GADL1: variants seen among roughly 807,000 people sequenced by gnomAD.
GADL1 encodes the protein GAD like acidic amino acid decarboxylase 1.
In GADL1, 71 loss-of-function variants were observed where a neutral mutation model predicts 69.5. That is an observed-to-expected ratio of 1.02 (90% CI 0.84 to 1.25). GADL1 has a LOEUF of 1.25. Among genes scored for constraint, GADL1 ranks in the 50% most tolerant of loss-of-function variants. GADL1 has a pLI of 0.00. For missense variants in GADL1, 737 were observed against 631.8 expected (o/e 1.17, Z -1.79); for synonymous variants, 254 against 214.4 (o/e 1.18, Z -1.62).
intron 13 of GADL1, among the ~76,000 whole-genome samples, chr3:30,780,048 GGTGGCATCAC>G (rs1397631449): frequency 1.1e-4 from 17 of 152,244 alleles, no homozygotes; most frequent in African/African-American, 3.6e-4. Context: ...ACCCCTTTCA[GGTGGCATCAC>G]GTGGCATCAC....
chr3:30,867,439 T>TATATATATATATATATATATATACACAC (rs1319135425), intron 1 of GADL1, among the ~76,000 whole-genome samples: 2 of 138,838 alleles, frequency 1.4e-5, no homozygotes, highest in Admixed American at 7.1e-5. Context: ...TATATATATA[T>TATATATATATATATATATATATACACAC]ACACATATAT....
intron 4 of GADL1, among the ~76,000 whole-genome samples, chr3:30,852,024 G>T (rs1467738461): frequency 6.6e-6 from 1 of 152,068 alleles, no homozygotes; most frequent in Non-Finnish European, 1.5e-5. Context: ...AATTGTATCT[G>T]AATAAATGTG....
At chr3:30,739,503 C>T (rs1346498061) in intron 14 of GADL1, among the ~76,000 whole-genome samples, 1 of 152,166 alleles carries the variant, frequency 6.6e-6, no homozygotes, top group African/African-American at 2.4e-5. Flanking sequence ...TGTTTGAATA[C>T]AGTTGTTCAT....
intron 14 of GADL1, among the ~76,000 whole-genome samples, chr3:30,764,396 CATAAG>C (rs1696218738): frequency 6.6e-6 from 1 of 152,124 alleles, no homozygotes; most frequent in African/African-American, 2.4e-5. Flanking sequence ...TTATGTAACT[CATAAG>C]AAAAGCGAAA....
intron 14 of GADL1, among the ~76,000 whole-genome samples, chr3:30,752,031 C>T (rs6550017): frequency 0.18 from 27,499 of 152,086 alleles, 3,635 homozygotes; most frequent in African/African-American, 0.35. Flanking sequence ...ACCCAGTAGG[C>T]AGAATGCTTC....
chr3:30,791,115 C>T (rs944668087), intron 12 of GADL1, among the ~76,000 whole-genome samples: 2 of 151,970 alleles, frequency 1.3e-5, no homozygotes, highest in Non-Finnish European at 2.9e-5. Context: ...GTTTTCCATT[C>T]CCTTTTTATA....
chr3:30,849,397 T>C (rs536664980), intron 6 of GADL1, among the ~76,000 whole-genome samples: 1 of 152,286 alleles, frequency 6.6e-6, no homozygotes, highest in East Asian at 1.9e-4. Context: ...ATTAACTCAC[T>C]CAAGGTTACT....
chr3:30,862,641 A>G (rs1698338371), intron 1 of GADL1, among the ~76,000 whole-genome samples: 1 of 152,030 alleles, frequency 6.6e-6, no homozygotes, highest in African/African-American at 2.4e-5. Context: ...ATTGAATTTT[A>G]TGAAGATCCA....
At chr3:30,863,636 T>G (rs1481734909) in intron 1 of GADL1, among the ~76,000 whole-genome samples, 1 of 151,974 alleles carries the variant, frequency 6.6e-6, no homozygotes, top group African/African-American at 2.4e-5. Context: ...AAACAATTTT[T>G]AAAGTACTTT....
rs139200010 is a variant in GADL1 at position 30,882,794 on chromosome 3, C to T, written c.37+11784G>A. On this transcript the variant is annotated intron_variant, in intron 1 of 14. Transcript: ENST00000282538. ...CAATGTCTCTAACAGTGTACAAGTGCTCCAGTTTGCCCACATACTCTCCAG... is the reference window on the plus strand; with the variant it reads ...CAATGTCTCTAACAGTGTACAAGTGTTCCAGTTTGCCCACATACTCTCCAG... Among the ~76,000 whole-genome samples, 12 of 151,780 alleles carry T rather than the reference C, an allele frequency of 7.9e-5. No homozygotes were observed. The East Asian group carries it at 2.1e-3, about 27-fold the overall frequency.
intron 3 of GADL1, among the ~76,000 whole-genome samples, chr3:30,855,271 T>C (rs1334204927): frequency 6.6e-6 from 1 of 152,144 alleles, no homozygotes; most frequent in East Asian, 1.9e-4. Context: ...TTAAGAGCTT[T>C]GATTTACTTG....
At chr3:30,753,530 GA>G (rs1294608745) in intron 14 of GADL1, among the ~76,000 whole-genome samples, 1 of 151,462 alleles carries the variant, frequency 6.6e-6, no homozygotes, top group African/African-American at 2.4e-5. Context: ...GGTGATTAAT[GA>G]AAAATCCCTG....
At chr3:30,832,627 T>C (rs1697810496) in intron 11 of GADL1, among the ~76,000 whole-genome samples, 1 of 152,020 alleles carries the variant, frequency 6.6e-6, no homozygotes. Context: ...ATTTTTGTTC[T>C]TATACCTAGA....
rs1054979256 is a variant in GADL1 at position 30,726,408 on chromosome 3, A to C, written c.*1834T>G. ...TGTTCCTTTTTGTTTCATGAAACCC[A>C]AATTGTTACAAACATCAATTTTAGA... is the stretch of plus-strand genomic sequence containing the variant. On this transcript the variant is annotated 3_prime_UTR_variant, in exon 15 of 15. Coordinates refer to ENST00000282538, the MANE Select transcript of GADL1 (RefSeq NM_207359.3). 6.6e-6 allele frequency: 1 copy of C among 152,178 alleles called. No homozygotes were observed. The highest frequency in any genetic ancestry group is 2.4e-5 in the African/African-American group (1 of 41,446). The allele number at this position is 152,178 out of a possible 1,614,324, so 9.4% of individuals were successfully genotyped here.
Position 30,726,753 on chromosome 3 carries a change from T to A in GADL1, c.*1489A>T, listed in dbSNP as rs1488443150. The A allele has an allele frequency of 5.3e-5, 8 of 152,184 alleles. No homozygotes were observed. 9.4% of individuals were successfully genotyped at this position (152,184 alleles called of 1,614,324 possible). A position where few individuals can be genotyped will look rare whatever the true frequency, so the allele number is the denominator to read the frequency against. Reference sequence around the variant, plus strand: ...TGCAGACCTTTAATTATATTCATAATCTTATCTTGGTGAACTCTACACCCA... The same window carrying A: ...TGCAGACCTTTAATTATATTCATAAACTTATCTTGGTGAACTCTACACCCA... On this transcript the variant is annotated 3_prime_UTR_variant, in exon 15 of 15. Transcript: ENST00000282538.
intron 14 of GADL1, among the ~76,000 whole-genome samples, chr3:30,748,228 AG>A: frequency 6.6e-6 from 1 of 152,214 alleles, no homozygotes. Context: ...GCATGGACGT[AG>A]AAAATCCCAC....
chr3:30,857,897 T>C (rs1382148303), intron 2 of GADL1, among the ~76,000 whole-genome samples: 1 of 152,018 alleles, frequency 6.6e-6, no homozygotes, highest in Non-Finnish European at 1.5e-5. Flanking sequence ...CTCTGCACTG[T>C]GTGTGCCCTC....
intron 9 of GADL1, among the ~76,000 whole-genome samples, chr3:30,835,869 C>T (rs563173878): frequency 6.6e-6 from 1 of 152,130 alleles, no homozygotes; most frequent in Admixed American, 6.6e-5. Flanking sequence ...TGCATTTCCT[C>T]CCTTACTTGG....
At chr3:30,883,049 C>T (rs190565994) in intron 1 of GADL1, among the ~76,000 whole-genome samples, 177 of 151,980 alleles carry the variant, frequency 1.2e-3, no homozygotes, top group Non-Finnish European at 1.4e-3. Context: ...GTTCTTTATT[C>T]ACAATATTAT....
Sources: allele counts gnomAD v4.1 joint callset (sites outside exome capture counted in the v4.1 genomes callset), GRCh38; gene constraint gnomAD v4.1.1; transcripts MANE v1.5; gene names NCBI Gene and HGNC (gene_info 2026-07-23, HGNC 2026-07-21).